Variants in RARB observed in about 807,000 individuals in gnomAD.
The protein encoded by RARB is HBV-activated protein.
RARB carries 17 observed loss-of-function variants against 51.9 expected under a neutral mutation model. That is an observed-to-expected ratio of 0.33 (90% CI 0.22 to 0.49). The LOEUF (loss-of-function observed/expected upper bound fraction) is 0.49, where lower values mean the gene tolerates loss of function less well. RARB is among the 20% of genes least tolerant of loss of function. RARB has a pLI of 0.99. For synonymous variants in RARB, 215 were observed against 195.4 expected (o/e 1.10, Z -0.84); for missense variants, 369 against 550.8 (o/e 0.67, Z 3.30).
chr3:25,063,333 C>G (rs1048233276), intron 3 of RARB, among the ~76,000 whole-genome samples: 1 of 152,008 alleles, frequency 6.6e-6, no homozygotes, highest in African/African-American at 2.4e-5. Context: ...TCTTCTGTAT[C>G]TCTTTGTAAC....
At chr3:25,391,229 T>G (rs1438129424) in intron 5 of RARB, among the ~76,000 whole-genome samples, 1 of 152,186 alleles carries the variant, frequency 6.6e-6, no homozygotes, top group Non-Finnish European at 1.5e-5. Flanking sequence ...CATTATTTCA[T>G]TCCTTTTTTA....
At chr3:24,954,531 G>A (rs145524744) in intron 2 of RARB, among the ~76,000 whole-genome samples, 1 of 152,264 alleles carries the variant, frequency 6.6e-6, no homozygotes, top group East Asian at 1.9e-4. Context: ...TTGGGGTGCC[G>A]AGAACTTGTG....
At chr3:25,021,456 A>C (rs542463660) in intron 2 of RARB, among the ~76,000 whole-genome samples, 1 of 152,226 alleles carries the variant, frequency 6.6e-6, no homozygotes, top group African/African-American at 2.4e-5. Context: ...AAAGCCGTAA[A>C]CTCACCAGAA....
intron 5 of RARB, among the ~76,000 whole-genome samples, chr3:25,587,428 T>G (rs754416071): frequency 3.3e-5 from 5 of 151,948 alleles, no homozygotes; most frequent in Non-Finnish European, 7.3e-5. Context: ...ATCTCCTTAA[T>G]GATTTTTTTG....
chr3:25,356,795 G>A (rs1177012821), intron 5 of RARB, among the ~76,000 whole-genome samples: 1 of 152,108 alleles, frequency 6.6e-6, no homozygotes, highest in Non-Finnish European at 1.5e-5. Context: ...TTAGTTTGCT[G>A]AGAATGATGG....
At chr3:25,187,305 T>C in intron 5 of RARB, among the ~76,000 whole-genome samples, 1 of 152,062 alleles carries the variant, frequency 6.6e-6, no homozygotes, top group East Asian at 1.9e-4. Context: ...AAGAATGCTA[T>C]ATATTATTTA....
At chr3:25,115,579 T>A (rs186154833) in intron 3 of RARB, among the ~76,000 whole-genome samples, 371 of 151,932 alleles carry the variant, frequency 2.4e-3, no homozygotes, top group African/African-American at 8.4e-3. Context: ...TCCTCTCCTT[T>A]CCTTTCTTTT....
chr3:25,026,784 T>C (rs1034892819), intron 2 of RARB, among the ~76,000 whole-genome samples: 33 of 152,190 alleles, frequency 2.2e-4, no homozygotes, highest in African/African-American at 8.0e-4. Flanking sequence ...GTATAAATAC[T>C]CCCACCTTAT....
At chr3:24,973,028 G>A (rs193211105) in intron 2 of RARB, among the ~76,000 whole-genome samples, 4 of 152,018 alleles carry the variant, frequency 2.6e-5, no homozygotes, top group African/African-American at 9.6e-5. Flanking sequence ...TGCTTTTAAG[G>A]TTTTTCACAA....
At chr3:25,473,534 G>C (rs146538212) in intron 2 of RARB, among the ~76,000 whole-genome samples, 24 of 152,270 alleles carry the variant, frequency 1.6e-4, no homozygotes, top group African/African-American at 5.3e-4. Flanking sequence ...TTTTGTTGGG[G>C]TTGGTTTTGT....
At chr3:25,126,161 TA>T (rs1699856439) in intron 3 of RARB, among the ~76,000 whole-genome samples, 2 of 152,154 alleles carry the variant, frequency 1.3e-5, no homozygotes, top group African/African-American at 2.4e-5. Flanking sequence ...AAAAACATCA[TA>T]AAACATTTAG....
intron 5 of RARB, among the ~76,000 whole-genome samples, chr3:25,305,646 G>A (rs1213437631): frequency 5.9e-5 from 9 of 152,138 alleles, no homozygotes; most frequent in Non-Finnish European, 1.2e-4. Flanking sequence ...CCAGGCAGCT[G>A]GCTGTCATAT....
intron 5 of RARB, among the ~76,000 whole-genome samples, chr3:25,229,836 A>G (rs1245756701): frequency 6.6e-6 from 1 of 152,080 alleles, no homozygotes; most frequent in Non-Finnish European, 1.5e-5. Context: ...GAAAAAGTAA[A>G]CAGTTGTGAC....
At chr3:24,846,776 T>G (rs1702490560) in intron 1 of RARB, among the ~76,000 whole-genome samples, 1 of 152,114 alleles carries the variant, frequency 6.6e-6, no homozygotes, top group South Asian at 2.1e-4. Context: ...TGAGAGCACT[T>G]TCTAATCTTG....
chr3:25,229,353 A>G (rs1228912695), intron 5 of RARB, among the ~76,000 whole-genome samples: 1 of 152,148 alleles, frequency 6.6e-6, no homozygotes, highest in Non-Finnish European at 1.5e-5. Context: ...TTCTGAAGGT[A>G]TTCAAAAAAA....
At chr3:25,130,665 A>T (rs1699931312) in intron 3 of RARB, among the ~76,000 whole-genome samples, 1 of 151,850 alleles carries the variant, frequency 6.6e-6, no homozygotes, top group South Asian at 2.1e-4. Context: ...TCTGTGCTCC[A>T]ATTCAACCCT....
At chr3:25,373,528 T>G (rs78099948) in intron 5 of RARB, among the ~76,000 whole-genome samples, 5,285 of 152,254 alleles carry the variant, frequency 0.035, 121 homozygotes, top group Middle Eastern at 0.065. Flanking sequence ...ATCTTATTAG[T>G]GTTGAGAGAT....
chr3:25,567,388 T>C (rs1446298901), intron 3 of RARB, among the ~76,000 whole-genome samples: 1 of 127,434 alleles, frequency 7.8e-6, no homozygotes, highest in Non-Finnish European at 1.6e-5. Context: ...ATCCATATAA[T>C]TTAGAATCAC....
chr3:25,035,989 G>T (rs1697984580), intron 2 of RARB, among the ~76,000 whole-genome samples: 2 of 152,176 alleles, frequency 1.3e-5, no homozygotes, highest in African/African-American at 4.8e-5. Context: ...CTTCATAGCA[G>T]GCAGAACTGT....
Sources: allele counts gnomAD v4.1 joint callset (sites outside exome capture counted in the v4.1 genomes callset), GRCh38; gene constraint gnomAD v4.1.1; transcripts MANE v1.5; gene names NCBI Gene and HGNC (gene_info 2026-07-23, HGNC 2026-07-21).